Variants in AGPS observed in about 807,000 individuals in gnomAD.
AGPS encodes alkyldihydroxyacetonephosphate synthase, peroxisomal.
AGPS carries 26 observed loss-of-function variants against 90.7 expected under a neutral mutation model. That is an observed-to-expected ratio of 0.29 (90% CI 0.21 to 0.40). AGPS has a LOEUF of 0.40. Ranked by LOEUF, AGPS falls within the 10% of genes least tolerant of loss-of-function variation. AGPS has a pLI of 1.00. For synonymous variants in AGPS, 294 were observed against 285.3 expected (o/e 1.03, Z -0.31); for missense variants, 540 against 816.1 (o/e 0.66, Z 4.12).
chr2:177,403,835 A>T (rs1261296787), intron 1 of AGPS, among the ~76,000 whole-genome samples: 1 of 152,188 alleles, frequency 6.6e-6, no homozygotes, highest in African/African-American at 2.4e-5. Flanking sequence ...GTATTGTATT[A>T]TATGTAGGTA....
intron 12 of AGPS, among the ~76,000 whole-genome samples, chr2:177,493,909 T>C (rs749537544): frequency 1.3e-5 from 2 of 152,164 alleles, no homozygotes; most frequent in African/African-American, 2.4e-5. Context: ...GAACGGATGA[T>C]AGATTTTCAG....
intron 9 of AGPS, among the ~76,000 whole-genome samples, chr2:177,465,823 CCTT>C (rs1236285842): frequency 2.0e-5 from 3 of 152,356 alleles, no homozygotes; most frequent in Admixed American, 6.5e-5. Flanking sequence ...GCTCTTCTCT[CCTT>C]CTCTTTCCTC....
chr2:177,493,244 AT>A (rs1262096536), intron 12 of AGPS, 45 bp downstream of exon 12: 1 of 1,526,736 alleles, frequency 6.5e-7, no homozygotes. Flanking sequence ...AGCCACAGAA[AT>A]TTATGAAACA....
chr2:177,467,287 A>G (rs1170871731), intron 9 of AGPS, among the ~76,000 whole-genome samples: 2 of 152,258 alleles, frequency 1.3e-5, no homozygotes, highest in East Asian at 3.8e-4. Context: ...TTGTTTTTAA[A>G]GAGTTATATA....
intron 8 of AGPS, among the ~76,000 whole-genome samples, chr2:177,452,328 A>G (rs111233163): frequency 4.6e-5 from 7 of 151,952 alleles, no homozygotes; most frequent in African/African-American, 1.5e-4. Context: ...CTGCAGTTCT[A>G]TTTTTGCTTG....
intron 1 of AGPS, among the ~76,000 whole-genome samples, chr2:177,410,330 C>T (rs1685584485): frequency 6.6e-6 from 1 of 152,216 alleles, no homozygotes; most frequent in African/African-American, 2.4e-5. Context: ...GGTTTCTGTA[C>T]AGCCAGTAGT....
At chr2:177,442,263 T>C in intron 6 of AGPS, 144 bp from the exon 7 acceptor site, 1 of 674,080 alleles carries the variant, frequency 1.5e-6, no homozygotes, top group East Asian at 2.7e-5. Context: ...GTGTTAGCAT[T>C]TGCAAGTTGT....
chr2:177,434,997 G>GTATATATA (rs1553509324), intron 3 of AGPS, among the ~76,000 whole-genome samples: 3,258 of 127,952 alleles, frequency 0.025, 61 homozygotes, highest in South Asian at 0.042. Flanking sequence ...TAAACTGTAG[G>GTATATATA]TATATATATA....
intron 18 of AGPS, 34 bp from the exon 19 acceptor site, chr2:177,523,714 T>G (rs778930449): frequency 6.3e-7 from 1 of 1,599,734 alleles, no homozygotes; most frequent in South Asian, 1.1e-5. Flanking sequence ...GAAATCTAAC[T>G]AGCAACAATT....
intron 10 of AGPS, among the ~76,000 whole-genome samples, chr2:177,475,513 C>T (rs1687756509): frequency 6.6e-6 from 1 of 152,138 alleles, no homozygotes; most frequent in South Asian, 2.1e-4. Context: ...TTCTTTTGAT[C>T]TCTATAGATT....
intron 17 of AGPS, among the ~76,000 whole-genome samples, chr2:177,517,455 C>T (rs188954235): frequency 4.6e-5 from 7 of 152,160 alleles, no homozygotes; most frequent in Admixed American, 3.9e-4. Flanking sequence ...TCTCCCATTT[C>T]TTAGTTTTTA....
At chr2:177,528,795 G>T (rs1409924307) in intron 19 of AGPS, among the ~76,000 whole-genome samples, 1 of 147,756 alleles carries the variant, frequency 6.8e-6, no homozygotes, top group Non-Finnish European at 1.5e-5. Flanking sequence ...AATGCTCACA[G>T]AATTTGAGCA....
At chr2:177,505,078 T>C (rs1435988867) in intron 14 of AGPS, among the ~76,000 whole-genome samples, 1 of 152,038 alleles carries the variant, frequency 6.6e-6, no homozygotes, top group African/African-American at 2.4e-5. Flanking sequence ...ATAAATTTCA[T>C]AAAATAAACA....
At chr2:177,476,461 A>G (rs1373221152) in intron 10 of AGPS, among the ~76,000 whole-genome samples, 1 of 151,996 alleles carries the variant, frequency 6.6e-6, no homozygotes, top group Admixed American at 6.6e-5. Context: ...ATTTTCACAT[A>G]TTAGTTAGCT....
intron 11 of AGPS, among the ~76,000 whole-genome samples, chr2:177,490,866 T>TTG (rs1559069911): frequency 2.0e-5 from 3 of 147,712 alleles, no homozygotes; most frequent in Non-Finnish European, 4.5e-5. Context: ...TTTTTTTTTT[T>TTG]TTTTTAAAGA....
intron 10 of AGPS, among the ~76,000 whole-genome samples, chr2:177,474,387 G>C (rs1220160828): frequency 1.3e-5 from 2 of 152,160 alleles, no homozygotes; most frequent in East Asian, 3.9e-4. Context: ...CAAAAAAAGG[G>C]GTTCTGCCAA....
rs1686336615 is a variant in AGPS, at chr2:177,434,403, A to G, written c.427A>G (p.Lys143Glu). 3.7e-6 allele frequency: 6 copies of G among 1,611,726 alleles called. No homozygotes were observed. In the African/African-American group the frequency reaches 6.7e-5, roughly 18 times the overall value. ...QNTLGVNVEH[K>E]TTSKASLNPS... Reference sequence around the variant, plus strand: ...TACCCTTGGAGTAAATGTGGAGCATAAAACTACCTCTAAAGTAAGCAAACA... The same window carrying G: ...TACCCTTGGAGTAAATGTGGAGCATGAAACTACCTCTAAAGTAAGCAAACA... The change falls in exon 3 of 20, where the codon AAA (lysine) becomes GAA (glutamate). Residue 143 changes from lysine (K) to glutamate (E), a missense_variant. By Grantham distance (56) the Lys-to-Glu change is moderately conservative. Coordinates refer to ENST00000264167, the MANE Select transcript of AGPS (RefSeq NM_003659.4).
At chr2:177,452,751 T>C (rs1686988879) in intron 8 of AGPS, among the ~76,000 whole-genome samples, 1 of 152,140 alleles carries the variant, frequency 6.6e-6, no homozygotes, top group African/African-American at 2.4e-5. Context: ...TGTTCTTCTT[T>C]CCCTCTTTTA....
At chr2:177,450,163 GTTTTC>G (rs977003141) in intron 8 of AGPS, among the ~76,000 whole-genome samples, 4 of 152,104 alleles carry the variant, frequency 2.6e-5, no homozygotes, top group African/African-American at 7.2e-5. Flanking sequence ...AGATTGGGTT[GTTTTC>G]TTATTATTGA....
Sources: gnomAD v4.1 joint callset for allele counts (sites outside exome capture counted in the v4.1 genomes callset) on GRCh38, gnomAD v4.1.1 for gene constraint, MANE v1.5 for transcripts, NCBI Gene and HGNC (gene_info 2026-07-23, HGNC 2026-07-21) for gene names.